RAP1A: variants seen among roughly 807,000 people sequenced by gnomAD.
The protein encoded by RAP1A is RAP1A, member of RAS oncogene family, also known as ras-related protein Rap-1A.
Under a neutral mutation model 26.4 loss-of-function variants are expected in RAP1A, and 6 were observed. The ratio of observed to expected loss-of-function variants is 0.23; its 90% CI spans 0.12 to 0.45. The LOEUF (loss-of-function observed/expected upper bound fraction) is 0.45. RAP1A is among the 20% of genes least tolerant of loss of function. The pLI is 0.99. For synonymous variants in RAP1A, 73 were observed against 79.4 expected (o/e 0.92, Z 0.43); for missense variants, 121 against 217.2 (o/e 0.56, Z 2.78).
intron 1 of RAP1A, among the ~76,000 whole-genome samples, chr1:111,579,728 T>A (rs1658216504): frequency 6.6e-6 from 1 of 152,182 alleles, no homozygotes; most frequent in South Asian, 2.1e-4. Flanking sequence ...CGTATGTTAG[T>A]TTACCTTGAG....
intron 1 of RAP1A, among the ~76,000 whole-genome samples, chr1:111,685,198 C>T (rs1235837181): frequency 6.6e-6 from 1 of 152,116 alleles, no homozygotes; most frequent in Non-Finnish European, 1.5e-5. Flanking sequence ...CGATACCATT[C>T]AGGACATAGG....
upstream of RAP1A, among the ~76,000 whole-genome samples, chr1:111,615,079 G>A (rs926882210): frequency 2.0e-5 from 3 of 152,014 alleles, no homozygotes; most frequent in Non-Finnish European, 4.4e-5. Flanking sequence ...AACTTAATAC[G>A]TTGACTCCTT....
At chr1:111,687,061 G>A (rs1048314375) in intron 1 of RAP1A, among the ~76,000 whole-genome samples, 1 of 151,992 alleles carries the variant, frequency 6.6e-6, no homozygotes, top group African/African-American at 2.4e-5. Flanking sequence ...GAATTGGAAT[G>A]TTTAGACAAT....
intron 1 of RAP1A, among the ~76,000 whole-genome samples, chr1:111,553,096 T>A (rs1657336247): frequency 6.6e-6 from 1 of 152,218 alleles, no homozygotes; most frequent in Non-Finnish European, 1.5e-5. Context: ...GGGAAACAAT[T>A]TCTCATTAAT....
At chr1:111,688,388 C>T (rs142998856) in intron 1 of RAP1A, among the ~76,000 whole-genome samples, 431 of 148,066 alleles carry the variant, frequency 2.9e-3, no homozygotes, top group African/African-American at 0.01. Flanking sequence ...GGTGCAATCT[C>T]GGCTCACTGT....
intron 2 of RAP1A, 144 bp downstream of exon 2, chr1:111,691,561 T>C: frequency 1.4e-6 from 1 of 694,054 alleles, no homozygotes; most frequent in East Asian, 2.7e-5. Context: ...CAGGAAATCA[T>C]TTAATAACCA....
chr1:111,711,482 C>G (rs1481460520), intron 7 of RAP1A, among the ~76,000 whole-genome samples: 1 of 152,152 alleles, frequency 6.6e-6, no homozygotes, highest in Non-Finnish European at 1.5e-5. Flanking sequence ...AAATCTTGAC[C>G]TAGATCTGGA....
At chr1:111,555,425 T>A (rs1050315537) in intron 1 of RAP1A, among the ~76,000 whole-genome samples, 2 of 140,634 alleles carry the variant, frequency 1.4e-5, no homozygotes, top group African/African-American at 2.7e-5. Flanking sequence ...ACCAAATAGT[T>A]CCAGAAAAAA....
intron 1 of RAP1A, among the ~76,000 whole-genome samples, chr1:111,552,356 C>A (rs2101037250): frequency 6.6e-6 from 1 of 152,360 alleles, no homozygotes; most frequent in South Asian, 2.1e-4. Context: ...GTTATAATGT[C>A]ACAAGTCTGT....
At chr1:111,702,568 CTT>C (rs761741419) in intron 4 of RAP1A, among the ~76,000 whole-genome samples, 8 of 143,684 alleles carry the variant, frequency 5.6e-5, no homozygotes, top group South Asian at 2.2e-4. Context: ...TGAACAAGCT[CTT>C]TTTTTTTTTT....
At chr1:111,587,486 G>C (rs1018279789) in intron 1 of RAP1A, among the ~76,000 whole-genome samples, 1 of 152,034 alleles carries the variant, frequency 6.6e-6, no homozygotes, top group South Asian at 2.1e-4. Context: ...CTCTGCCTAC[G>C]CCTCAGGAAA....
chr1:111,594,541 GAAGA>G (rs1297021411), intron 1 of RAP1A, among the ~76,000 whole-genome samples: 8 of 141,814 alleles, frequency 5.6e-5, no homozygotes, highest in South Asian at 2.5e-4. Context: ...AAGAAGGAAG[GAAGA>G]AAGAAAGAAG....
chr1:111,655,984 C>T (rs961037704), intron 1 of RAP1A, among the ~76,000 whole-genome samples: 3 of 151,882 alleles, frequency 2.0e-5, no homozygotes, highest in East Asian at 1.9e-4. Context: ...CCACCGCGCC[C>T]GGCCTCCTAA....
At chr1:111,604,150 G>C (rs530433673) in intron 1 of RAP1A, among the ~76,000 whole-genome samples, 92 of 152,300 alleles carry the variant, frequency 6.0e-4, no homozygotes, top group African/African-American at 2.2e-3. Context: ...GGCTGCGGTG[G>C]TGACTCTACC....
At chr1:111,694,135 GC>G (rs1242965848) in intron 2 of RAP1A, among the ~76,000 whole-genome samples, 38 of 152,056 alleles carry the variant, frequency 2.5e-4, no homozygotes, top group African/African-American at 9.2e-4. Context: ...CAATCCTCCT[GC>G]CTTGGCCTCC....
At chr1:111,644,514 G>T (rs1007586466) in intron 1 of RAP1A, among the ~76,000 whole-genome samples, 2 of 152,144 alleles carry the variant, frequency 1.3e-5, no homozygotes, top group Non-Finnish European at 2.9e-5. Context: ...CCCAGTGAAA[G>T]GTGGGTACAC....
At chr1:111,688,802 GTT>G (rs1314370063) in intron 1 of RAP1A, among the ~76,000 whole-genome samples, 1 of 125,784 alleles carries the variant, frequency 8.0e-6, no homozygotes, top group African/African-American at 3.0e-5. Context: ...ATGGGTTTTT[GTT>G]TTTGTTTTTT....
intron 1 of RAP1A, among the ~76,000 whole-genome samples, chr1:111,603,671 C>T (rs977878361): frequency 3.3e-5 from 5 of 152,168 alleles, no homozygotes; most frequent in Non-Finnish European, 7.4e-5. Flanking sequence ...TGTTGGAATA[C>T]GAAACCCACT....
chr1:111,615,716 A>G (rs1163621522), upstream of RAP1A, among the ~76,000 whole-genome samples: 1 of 151,638 alleles, frequency 6.6e-6, no homozygotes, highest in East Asian at 1.9e-4. Context: ...CTGTAGTCCC[A>G]GCTACTCGGG....
Sources: gnomAD v4.1 joint callset for allele counts (sites outside exome capture counted in the v4.1 genomes callset) on GRCh38, gnomAD v4.1.1 for gene constraint, MANE v1.5 for transcripts, NCBI Gene and HGNC (gene_info 2026-07-23, HGNC 2026-07-21) for gene names.